Variants in USP13 observed in about 807,000 individuals in gnomAD.
USP13 encodes the protein ubiquitin specific peptidase 13.
In USP13, 68 loss-of-function variants were observed where a neutral mutation model predicts 107.8. That is an observed-to-expected ratio of 0.63 (90% CI 0.52 to 0.77). The LOEUF (loss-of-function observed/expected upper bound fraction) is 0.77. Ranked by LOEUF, USP13 falls within the 30% of genes least tolerant of loss-of-function variation. The pLI is 0.00. For missense variants in USP13, 945 were observed against 1,093.3 expected (o/e 0.86, Z 1.91); for synonymous variants, 377 against 389.5 (o/e 0.97, Z 0.38).
chr3:179,689,624 C>T (rs868404142), intron 2 of USP13, among the ~76,000 whole-genome samples: 18 of 151,542 alleles, frequency 1.2e-4, no homozygotes, highest in African/African-American at 3.6e-4. Flanking sequence ...CGCCACTGCA[C>T]TCCAGCCTGG....
chr3:179,723,869 A>G (rs1713418111), intron 8 of USP13, among the ~76,000 whole-genome samples: 1 of 152,112 alleles, frequency 6.6e-6, no homozygotes, highest in Non-Finnish European at 1.5e-5. Context: ...AAAGTGACTC[A>G]GGGCCTGGCA....
chr3:179,730,613 C>A lies in USP13; in HGVS notation c.1161-3C>A. The stretch of plus-strand genomic sequence containing the variant: ...TTTGTTTCTGTTTCTCTGTCCTGGC[C>A]AGGACTAAGTTAGGACATGGCCTTC... On this transcript the variant is annotated splice_region_variant and splice_polypyrimidine_tract_variant and intron_variant, in intron 9 of 20. Transcript: ENST00000263966. 6.2e-7 allele frequency: 1 copy of A among 1,612,294 alleles called. No homozygotes were observed.
intron 8 of USP13, among the ~76,000 whole-genome samples, chr3:179,723,790 C>A (rs77721412): frequency 6.6e-6 from 1 of 152,244 alleles, no homozygotes; most frequent in East Asian, 1.9e-4. Context: ...CTTCTCACTT[C>A]TTTTTCACCA....
At chr3:179,739,439 C>T (rs536888798) in intron 10 of USP13, among the ~76,000 whole-genome samples, 43 of 152,290 alleles carry the variant, frequency 2.8e-4, no homozygotes, top group Admixed American at 5.9e-4. Flanking sequence ...TTCACTGGGC[C>T]GTGCAATGCC....
chr3:179,772,351 A>G (rs1429445250), intron 19 of USP13, among the ~76,000 whole-genome samples: 3 of 152,254 alleles, frequency 2.0e-5, no homozygotes, highest in African/African-American at 7.2e-5. Flanking sequence ...ATTGCCAATG[A>G]AATTAACATG....
rs1459852586 is a variant in USP13, at chr3:179,745,172, A to T, written c.1664A>T (p.Asp555Val). The change falls in exon 13 of 21, where the codon GAT becomes GTT. Residue 555 changes from aspartate to valine, a missense_variant. Coordinates refer to ENST00000263966, the MANE Select transcript of USP13 (RefSeq NM_003940.3). ...LQAFSEPENV[D>V]DFWSSALQAK... is the part of the protein sequence containing the mutation. ...GCCTTCTCTGAACCAGAAAATGTTG[A>T]TGATTTCTGGAGCAGTGCCCTACAA... The T allele has an allele frequency of 2.5e-6, 4 of 1,605,288 alleles. No individual in the cohort carries two copies. The African/African-American group carries it at 5.4e-5, about 22-fold the overall frequency.
intron 6 of USP13, among the ~76,000 whole-genome samples, chr3:179,709,772 T>G: frequency 6.6e-6 from 1 of 152,246 alleles, no homozygotes; most frequent in East Asian, 1.9e-4. Flanking sequence ...CTTCTCCATT[T>G]TCCCAGGCTT....
intron 1 of USP13, among the ~76,000 whole-genome samples, chr3:179,654,380 C>G (rs893190654): frequency 4.6e-5 from 7 of 152,106 alleles, no homozygotes; most frequent in African/African-American, 1.4e-4. Flanking sequence ...ATTAAAAGTT[C>G]AATCCCGAGT....
chr3:179,707,149 T>C, intron 5 of USP13, 73 bp downstream of exon 5: 1 of 1,495,774 alleles, frequency 6.7e-7, no homozygotes, highest in Non-Finnish European at 8.9e-7. Context: ...TCTACTTCTT[T>C]TTTGAATAGG....
At chr3:179,664,940 T>C (rs111358258) in intron 1 of USP13, among the ~76,000 whole-genome samples, 174 of 152,044 alleles carry the variant, frequency 1.1e-3, no homozygotes, top group African/African-American at 4.0e-3. Context: ...ATACAAAACT[T>C]AGCCTGGCAT....
At chr3:179,723,284 A>G (rs1014730812) in intron 8 of USP13, among the ~76,000 whole-genome samples, 18 of 151,894 alleles carry the variant, frequency 1.2e-4, no homozygotes, top group African/African-American at 4.4e-4. Context: ...TTTATGGTGC[A>G]TTTTCTATGT....
At chr3:179,718,851 G>C (rs1219892926) in intron 6 of USP13, among the ~76,000 whole-genome samples, 1 of 152,036 alleles carries the variant, frequency 6.6e-6, no homozygotes, top group Non-Finnish European at 1.5e-5. Context: ...TCGCCTCCTG[G>C]GTTCACGCCA....
intron 10 of USP13, among the ~76,000 whole-genome samples, chr3:179,739,555 C>T (rs1345142236): frequency 6.6e-6 from 1 of 152,108 alleles, no homozygotes; most frequent in African/African-American, 2.4e-5. Context: ...TTTATTTATT[C>T]ATTCATTTAT....
Position 179,721,704 on chromosome 3 carries a change from C to T in USP13, c.1088+115C>T. On this transcript the variant is annotated intron_variant, in intron 8 of 20. Transcript: ENST00000263966. This position sits in a 1 kb window ranked among gnomAD's most constrained non-coding sequence, Gnocchi z 4.3. ...TTATTGCTTCAGGACATTTTGCCAC[C>T]TTTTCTCTGGCCTGCCTTCTACAGA... 1 of 1,150,154 alleles carries T rather than the reference C, an allele frequency of 8.7e-7. No homozygotes were observed. Among genetic ancestry groups the T allele is most frequent in the South Asian group, 1.6e-5 (1 of 62,564 alleles). The allele number at this position is 1,150,154 out of a possible 1,614,324, so 71.2% of individuals were successfully genotyped here.
At chr3:179,654,673 G>A (rs995521823) in intron 1 of USP13, among the ~76,000 whole-genome samples, 8 of 152,180 alleles carry the variant, frequency 5.3e-5, no homozygotes, top group Non-Finnish European at 1.2e-4. Context: ...GACCGAGGCA[G>A]GTCTCGCAAT....
intron 8 of USP13, among the ~76,000 whole-genome samples, chr3:179,728,988 G>GAGAGGA (rs944584400): frequency 3.3e-5 from 5 of 151,892 alleles, no homozygotes; most frequent in African/African-American, 1.2e-4. Flanking sequence ...GAGGAAGAGG[G>GAGAGGA]AGAGGGAGAG....
At chr3:179,706,584 C>A (rs1419789626) in intron 4 of USP13, among the ~76,000 whole-genome samples, 1 of 152,186 alleles carries the variant, frequency 6.6e-6, no homozygotes, top group Non-Finnish European at 1.5e-5. Flanking sequence ...TTGGGTAAAT[C>A]CTGGGCATTC....
chr3:179,780,515 A>AG (rs1560085726), intron 19 of USP13, among the ~76,000 whole-genome samples: 3 of 151,736 alleles, frequency 2.0e-5, no homozygotes, highest in East Asian at 1.9e-4. Flanking sequence ...CAGAGAGAGA[A>AG]AGAAAGAGAG....
At chr3:179,709,055 T>G in intron 6 of USP13, 98 bp downstream of exon 6, 3 of 1,392,242 alleles carry the variant, frequency 2.2e-6, no homozygotes, top group Non-Finnish European at 2.9e-6. Flanking sequence ...AGGCTCTGGA[T>G]GCAGACAGCC....
Sources: allele counts gnomAD v4.1 joint callset (sites outside exome capture counted in the v4.1 genomes callset), GRCh38; gene constraint gnomAD v4.1.1; non-coding constraint Gnocchi (gnomAD v3.1); transcripts MANE v1.5; gene names NCBI Gene and HGNC (gene_info 2026-07-23, HGNC 2026-07-21).